Variants in AFAP1 observed in about 807,000 individuals in gnomAD.
The protein encoded by AFAP1 is actin filament associated protein 1, also known as actin filament-associated protein 1.
In AFAP1, 75 loss-of-function variants were observed where a neutral mutation model predicts 93.9. The ratio of observed to expected loss-of-function variants is 0.80; its 90% CI spans 0.66 to 0.97. AFAP1 has a LOEUF of 0.97. Among genes scored for constraint, AFAP1 ranks in the 50% least tolerant of loss-of-function variants. The pLI, the probability that AFAP1 is intolerant of heterozygous loss-of-function variation, is 0.00. For missense variants in AFAP1, 1,201 were observed against 1,050.8 expected (o/e 1.14, Z -1.98); for synonymous variants, 517 against 430.7 (o/e 1.20, Z -2.48).
intron 1 of AFAP1, among the ~76,000 whole-genome samples, chr4:7,884,971 ACT>A (rs1171778930): frequency 6.6e-6 from 1 of 152,016 alleles, no homozygotes; most frequent in Non-Finnish European, 1.5e-5. Flanking sequence ...CTTTATGCTG[ACT>A]CTCTGCAGAG....
chr4:7,820,406 T>C (rs1005857702), intron 6 of AFAP1, among the ~76,000 whole-genome samples: 82 of 151,650 alleles, frequency 5.4e-4, no homozygotes, highest in African/African-American at 1.9e-3. Context: ...TCTGGATGAG[T>C]TTACCAGGGA....
At chr4:7,800,375 C>A in intron 10 of AFAP1, 67 bp downstream of exon 10, 1 of 1,528,738 alleles carries the variant, frequency 6.5e-7, no homozygotes, top group Non-Finnish European at 9.0e-7. Context: ...AGTCAGCATT[C>A]GCCTTTTGAA....
intron 6 of AFAP1, among the ~76,000 whole-genome samples, chr4:7,832,520 C>A (rs1325394378): frequency 1.3e-5 from 2 of 152,000 alleles, no homozygotes; most frequent in Non-Finnish European, 2.9e-5. Context: ...TTTTCCCACC[C>A]CACTCCTGAG....
intron 9 of AFAP1, among the ~76,000 whole-genome samples, chr4:7,804,088 A>C (rs924174698): frequency 6.8e-6 from 1 of 147,510 alleles, no homozygotes; most frequent in Non-Finnish European, 1.5e-5. Context: ...GGTCCTCTGG[A>C]CCCCCCAATA....
At chr4:7,872,743 G>C (rs1717155492) in intron 1 of AFAP1, among the ~76,000 whole-genome samples, 1 of 151,990 alleles carries the variant, frequency 6.6e-6, no homozygotes, top group Non-Finnish European at 1.5e-5. Flanking sequence ...TCCTTTCAGG[G>C]AGCCCACAAG....
At chr4:7,938,733 G>A (rs997606009) in intron 1 of AFAP1, among the ~76,000 whole-genome samples, 1 of 151,672 alleles carries the variant, frequency 6.6e-6, no homozygotes. Flanking sequence ...TGGCTTTCCA[G>A]ATTTTTTTTT....
At chr4:7,834,528 T>C (rs1050341877) in intron 6 of AFAP1, among the ~76,000 whole-genome samples, 1 of 152,162 alleles carries the variant, frequency 6.6e-6, no homozygotes, top group East Asian at 1.9e-4. Flanking sequence ...AAAATTTTTT[T>C]CAAAAAAAAG....
chr4:7,904,387 G>A (rs1382369760), intron 1 of AFAP1, among the ~76,000 whole-genome samples: 2 of 152,106 alleles, frequency 1.3e-5, no homozygotes, highest in Non-Finnish European at 2.9e-5. Flanking sequence ...TGGAATTCAA[G>A]TTCCTTCCAA....
intron 6 of AFAP1, among the ~76,000 whole-genome samples, chr4:7,828,969 T>G (rs1165708279): frequency 1.3e-5 from 2 of 152,192 alleles, no homozygotes; most frequent in Non-Finnish European, 2.9e-5. Context: ...AATTGAATCA[T>G]GGGGGCGGTT....
At chr4:7,891,383 A>G (rs1718462257) in intron 1 of AFAP1, among the ~76,000 whole-genome samples, 1 of 152,242 alleles carries the variant, frequency 6.6e-6, no homozygotes, top group Non-Finnish European at 1.5e-5. Flanking sequence ...GTAGAGAACC[A>G]AGGACCAGAG....
At chr4:7,783,734 C>A (rs138746396) in intron 12 of AFAP1, among the ~76,000 whole-genome samples, 2 of 152,172 alleles carry the variant, frequency 1.3e-5, no homozygotes, top group Non-Finnish European at 2.9e-5. Context: ...CTGAATAAAA[C>A]GGGCTGGGTG....
At chr4:7,870,573 C>A (rs534447049) in intron 2 of AFAP1, among the ~76,000 whole-genome samples, 3 of 152,250 alleles carry the variant, frequency 2.0e-5, no homozygotes, top group African/African-American at 7.2e-5. Flanking sequence ...GGGAGGATCA[C>A]CTGAGCCTGG....
chr4:7,846,075 G>A (rs1713660684), intron 4 of AFAP1, among the ~76,000 whole-genome samples: 1 of 152,204 alleles, frequency 6.6e-6, no homozygotes, highest in Non-Finnish European at 1.5e-5. Context: ...CGAAAGCACT[G>A]ACAAGCATCA....
intron 12 of AFAP1, among the ~76,000 whole-genome samples, chr4:7,782,352 T>C (rs1716860700): frequency 6.6e-6 from 1 of 152,218 alleles, no homozygotes; most frequent in South Asian, 2.1e-4. Context: ...CCAAGTCCTA[T>C]GGGAACTGTC....
rs571577084 is a variant in AFAP1 at position 7,785,231 on chromosome 4, T to C, written c.1530+963A>G. Among the ~76,000 whole-genome samples, 4 of 152,092 alleles carry C rather than the reference T, an allele frequency of 2.6e-5. No individual in the cohort carries two copies. The East Asian group carries it at 5.8e-4, about 22-fold the overall frequency. On this transcript the variant is annotated intron_variant, in intron 12 of 17. Coordinates refer to ENST00000420658, the MANE Select transcript of AFAP1 (RefSeq NM_001134647.2). ...CAGACACCGTAGAACCAGCACTTGA[T>C]GAGGCCTGCTGATTACACGTACGAC...
At chr4:7,911,772 C>G (rs1577353568) in intron 1 of AFAP1, among the ~76,000 whole-genome samples, 1 of 152,186 alleles carries the variant, frequency 6.6e-6, no homozygotes, top group East Asian at 1.9e-4. Context: ...AAAATGCAGA[C>G]AGCAAATCCA....
intron 1 of AFAP1, among the ~76,000 whole-genome samples, chr4:7,901,628 G>A (rs1049640591): frequency 1.3e-5 from 2 of 152,198 alleles, no homozygotes; most frequent in African/African-American, 4.8e-5. Flanking sequence ...AGGGAAGAGG[G>A]CAGGTGCAGA....
chr4:7,869,056 G>A (rs553698952), intron 2 of AFAP1, among the ~76,000 whole-genome samples: 1 of 135,758 alleles, frequency 7.4e-6, no homozygotes, highest in Admixed American at 7.6e-5. Flanking sequence ...AAGAGAAAGA[G>A]AAAGGGAAAG....
intron 5 of AFAP1, among the ~76,000 whole-genome samples, chr4:7,841,219 G>A (rs1190379998): frequency 2.0e-5 from 3 of 152,310 alleles, no homozygotes; most frequent in East Asian, 1.9e-4. Context: ...CAGTTTGAGT[G>A]GCCTCAGGGA....
Sources: allele counts gnomAD v4.1 joint callset (sites outside exome capture counted in the v4.1 genomes callset), GRCh38; gene constraint gnomAD v4.1.1; transcripts MANE v1.5; gene names NCBI Gene and HGNC (gene_info 2026-07-23, HGNC 2026-07-21).